The following PLCB1 variants were observed in gnomAD, a reference collection of about 807,000 sequenced individuals.
PLCB1 encodes phospholipase C beta 1.
PLCB1 carries 46 observed loss-of-function variants against 161.8 expected under a neutral mutation model. The observed-to-expected ratio is 0.28, with a 90% CI of 0.22 to 0.36. The LOEUF (loss-of-function observed/expected upper bound fraction) is 0.36. Among genes scored for constraint, PLCB1 ranks in the 10% least tolerant of loss-of-function variants. The pLI is 1.00. For synonymous variants in PLCB1, 517 were observed against 503.7 expected, an observed-to-expected ratio of 1.03 and a Z score of -0.35; for missense variants, 1,016 against 1,472.5, an observed-to-expected ratio of 0.69 and a Z score of 5.07.
intron 2 of PLCB1, among the ~76,000 whole-genome samples, chr20:8,227,738 T>A (rs1343752772): frequency 6.6e-6 from 1 of 152,084 alleles, no homozygotes; most frequent in Non-Finnish European, 1.5e-5. Context: ...ATGAAACAAA[T>A]CTAAAAATTT....
rs1982787937 is a variant in PLCB1 at position 8,773,368 on chromosome 20, CTTTCCACT to C, written c.2931-1170_2931-1163del. 2.0e-5 allele frequency among the ~76,000 whole-genome samples: 3 copies of C among 152,236 alleles called. No individual in the cohort carries two copies. In the South Asian group the frequency reaches 6.2e-4, roughly 32 times the overall value. On this transcript the variant is annotated intron_variant, in intron 26 of 31. Transcript: ENST00000338037. ...ACCCTGTTCCCAATACTCTGTCTTT[CTTTCCACT>C]GTTTCCTACAGGTGATAATACAGAG... is the stretch of plus-strand genomic sequence containing the variant.
intron 3 of PLCB1, among the ~76,000 whole-genome samples, chr20:8,383,467 A>T (rs1169836797): frequency 6.6e-6 from 1 of 152,032 alleles, no homozygotes; most frequent in Admixed American, 6.6e-5. Flanking sequence ...CGGCATACCG[A>T]TGGGTCTTGA....
At chr20:8,394,581 A>G (rs1475573226) in intron 3 of PLCB1, among the ~76,000 whole-genome samples, 1 of 152,174 alleles carries the variant, frequency 6.6e-6, no homozygotes, top group Non-Finnish European at 1.5e-5. Context: ...TTCTTCATCC[A>G]TAAAATGAAG....
chr20:8,347,607 A>G (rs1177034633), intron 2 of PLCB1, among the ~76,000 whole-genome samples: 1 of 152,210 alleles, frequency 6.6e-6, no homozygotes, highest in Admixed American at 6.5e-5. Context: ...TTATTTGCTG[A>G]TAAGTTGAGA....
At chr20:8,804,141 A>G (rs1455013267) in intron 31 of PLCB1, among the ~76,000 whole-genome samples, 2 of 152,176 alleles carry the variant, frequency 1.3e-5, no homozygotes, top group Non-Finnish European at 2.9e-5. Flanking sequence ...TACCACAAGT[A>G]GAATATCTTA....
intron 31 of PLCB1, among the ~76,000 whole-genome samples, chr20:8,810,597 T>G (rs928719889): frequency 2.2e-4 from 34 of 152,288 alleles, no homozygotes; most frequent in African/African-American, 8.2e-4. Context: ...TAAGAATGGA[T>G]GAAATCCTTG....
intron 27 of PLCB1, among the ~76,000 whole-genome samples, chr20:8,781,906 C>T (rs1983259289): frequency 6.6e-6 from 1 of 152,126 alleles, no homozygotes; most frequent in African/African-American, 2.4e-5. Flanking sequence ...CAGGTCCCTC[C>T]CACAACACAT....
In PLCB1 at chr20:8,504,617, C is replaced by G. The variant is rs144708395; in HGVS notation, c.247-123677C>G. 4.9e-3 allele frequency among the ~76,000 whole-genome samples: 748 copies of G among 152,154 alleles called. 3 individuals carry two copies. Among genetic ancestry groups the G allele is most frequent in the African/African-American group, 0.016 (684 of 41,526 alleles). On this transcript the variant is annotated intron_variant, in intron 3 of 31. Transcript: ENST00000338037. ...TCTTTCTTTGTTCTTGTTTTCTTCC[C>G]CTCCTCTTTCGCTTATATTTTCCTC...
chr20:8,161,337 T>C (rs898780423), intron 2 of PLCB1, among the ~76,000 whole-genome samples: 2 of 152,186 alleles, frequency 1.3e-5, no homozygotes, highest in Non-Finnish European at 2.9e-5. Context: ...TTAACAGACC[T>C]ATGCAATTTC....
chr20:8,170,658 A>T (rs2051724362), intron 2 of PLCB1, among the ~76,000 whole-genome samples: 1 of 152,186 alleles, frequency 6.6e-6, no homozygotes, highest in Non-Finnish European at 1.5e-5. Flanking sequence ...GGTACATAGA[A>T]GGAAGGCGAC....
chr20:8,732,307 G>A (rs988146222), intron 18 of PLCB1: 4 of 152,016 alleles, frequency 2.6e-5, no homozygotes, highest in Non-Finnish European at 5.9e-5. Flanking sequence ...AGTAGTATAA[G>A]CTGGTTTAAG....
At chr20:8,611,312 C>T (rs950572816) in intron 3 of PLCB1, among the ~76,000 whole-genome samples, 2 of 151,924 alleles carry the variant, frequency 1.3e-5, no homozygotes, top group African/African-American at 4.8e-5. Flanking sequence ...TTTTAAAATT[C>T]AGGGAAATAC....
intron 3 of PLCB1, among the ~76,000 whole-genome samples, chr20:8,495,420 C>T (rs1180028027): frequency 3.7e-5 from 4 of 107,034 alleles, no homozygotes; most frequent in Non-Finnish European, 6.7e-5. Context: ...TTTTTTGAGA[C>T]GGAGTCTCGC....
At chr20:8,730,715 G>A (rs1980196002) in intron 18 of PLCB1, among the ~76,000 whole-genome samples, 1 of 151,168 alleles carries the variant, frequency 6.6e-6, no homozygotes. Context: ...TAGTTTTTCT[G>A]TCACAGGAAA....
chr20:8,454,492 G>A (rs1321794262), intron 3 of PLCB1, among the ~76,000 whole-genome samples: 1 of 152,216 alleles, frequency 6.6e-6, no homozygotes, highest in Non-Finnish European at 1.5e-5. Context: ...CCCTAGTGGA[G>A]TTGGTGAGAA....
At chr20:8,821,545 A>G (rs1178031695) in intron 31 of PLCB1, among the ~76,000 whole-genome samples, 9 of 93,444 alleles carry the variant, frequency 9.6e-5, no homozygotes, top group Non-Finnish European at 1.3e-4. Flanking sequence ...ATATATATAT[A>G]TATATATATA....
intron 3 of PLCB1, among the ~76,000 whole-genome samples, chr20:8,458,667 T>G (rs1044488941): frequency 6.6e-6 from 1 of 152,218 alleles, no homozygotes; most frequent in African/African-American, 2.4e-5. Flanking sequence ...ATATTCAATT[T>G]GGCCTGCTTA....
intron 31 of PLCB1, among the ~76,000 whole-genome samples, chr20:8,848,187 C>T (rs989972106): frequency 2.0e-5 from 3 of 152,156 alleles, no homozygotes; most frequent in Admixed American, 1.3e-4. Context: ...CTAGAGGGAA[C>T]ACATTCAAAT....
At chr20:8,662,695 C>T (rs1989711833) in intron 9 of PLCB1, among the ~76,000 whole-genome samples, 1 of 150,842 alleles carries the variant, frequency 6.6e-6, no homozygotes, top group Non-Finnish European at 1.5e-5. Context: ...AATGCAGATT[C>T]GAGATCCTGC....
Sources: allele counts gnomAD v4.1 joint callset (sites outside exome capture counted in the v4.1 genomes callset), GRCh38; gene constraint gnomAD v4.1.1; transcripts MANE v1.5; gene names NCBI Gene and HGNC (gene_info 2026-07-23, HGNC 2026-07-21).